FSTL5: variants seen among roughly 807,000 people sequenced by gnomAD.
FSTL5 encodes follistatin-related protein 5.
FSTL5 carries 62 observed loss-of-function variants against 89.1 expected under a neutral mutation model. That is an observed-to-expected ratio of 0.70 (90% CI 0.57 to 0.86). FSTL5 has a LOEUF of 0.86. Among genes scored for constraint, FSTL5 ranks in the 40% least tolerant of loss-of-function variants. FSTL5 has a pLI of 0.00. For synonymous variants in FSTL5, 383 were observed against 346.2 expected (o/e 1.11, Z -1.18); for missense variants, 1,057 against 1,001.6 (o/e 1.06, Z -0.75).
intron 4 of FSTL5, among the ~76,000 whole-genome samples, chr4:161,909,361 GTTAA>G (rs1401248355): frequency 6.6e-6 from 1 of 152,016 alleles, no homozygotes; most frequent in African/African-American, 2.4e-5. Flanking sequence ...AAAACTCCTG[GTTAA>G]AACTAATTCT....
chr4:162,031,122 A>G (rs1356311239), intron 3 of FSTL5, among the ~76,000 whole-genome samples: 2 of 152,124 alleles, frequency 1.3e-5, no homozygotes, highest in African/African-American at 4.8e-5. Flanking sequence ...CTTCAGTGCA[A>G]TTTTATGGAA....
At chr4:162,032,745 G>A (rs1393617563) in intron 3 of FSTL5, 1 of 152,128 alleles carries the variant, frequency 6.6e-6, no homozygotes, top group Non-Finnish European at 1.5e-5. Context: ...CAGCATTTCA[G>A]AAGACCATGT....
At chr4:161,844,368 C>T (rs1278215650) in intron 4 of FSTL5, among the ~76,000 whole-genome samples, 5 of 152,002 alleles carry the variant, frequency 3.3e-5, no homozygotes, top group East Asian at 1.9e-4. Context: ...TGTGGAAGAC[C>T]GTGTGGCAAT....
At chr4:162,138,690 C>A (rs150978124) in intron 1 of FSTL5, among the ~76,000 whole-genome samples, 1 of 151,728 alleles carries the variant, frequency 6.6e-6, no homozygotes, top group East Asian at 1.9e-4. Context: ...TTAGACAAAC[C>A]CTGTTTATTT....
chr4:161,810,961 G>A (rs945843400), intron 4 of FSTL5, among the ~76,000 whole-genome samples: 8 of 152,072 alleles, frequency 5.3e-5, no homozygotes, highest in African/African-American at 1.4e-4. Flanking sequence ...GTAACTATGC[G>A]TCAGCCTCGC....
chr4:161,624,588 A>C (rs1735249670), intron 7 of FSTL5, among the ~76,000 whole-genome samples: 1 of 151,880 alleles, frequency 6.6e-6, no homozygotes. Flanking sequence ...ACTTTAATAC[A>C]TGATTGTAAA....
intron 10 of FSTL5, among the ~76,000 whole-genome samples, chr4:161,516,275 T>C (rs1730827387): frequency 6.7e-6 from 1 of 149,188 alleles, no homozygotes; most frequent in South Asian, 2.1e-4. Context: ...GCTGCTTCTA[T>C]ATTGGAATGG....
At chr4:161,582,300 A>C (rs895609318) in intron 8 of FSTL5, among the ~76,000 whole-genome samples, 1 of 152,202 alleles carries the variant, frequency 6.6e-6, no homozygotes, top group Non-Finnish European at 1.5e-5. Flanking sequence ...AGTTCTTTTT[A>C]ACTTTTTCTA....
At chr4:161,664,192 C>A (rs981257781) in intron 6 of FSTL5, among the ~76,000 whole-genome samples, 1 of 152,174 alleles carries the variant, frequency 6.6e-6, no homozygotes, top group African/African-American at 2.4e-5. Context: ...AAACATTATG[C>A]TCCCTGCTAC....
At position 161,952,260 on chromosome 4, in the gene FSTL5, C is replaced by T. The variant is rs972062814; in HGVS notation, c.161-31608G>A. 2.6e-5 allele frequency among the ~76,000 whole-genome samples: 4 copies of T among 151,870 alleles called. No homozygotes were observed. In the South Asian group the frequency reaches 6.2e-4, roughly 24 times the overall value. ...ACTTTTGACACTTGTCAGCCACAAT[C>T]GATAGCTCTATTTTTTACCTTATTG... On this transcript the variant is annotated intron_variant, in intron 3 of 15. Transcript: ENST00000306100.
chr4:161,908,730 T>C (rs1379228359), intron 4 of FSTL5, among the ~76,000 whole-genome samples: 3 of 152,152 alleles, frequency 2.0e-5, no homozygotes, highest in Non-Finnish European at 4.4e-5. Context: ...CAAAACTTTA[T>C]ACACTTTGTT....
At chr4:161,802,681 T>C (rs759339639) in intron 4 of FSTL5, among the ~76,000 whole-genome samples, 13 of 151,752 alleles carry the variant, frequency 8.6e-5, no homozygotes, top group Non-Finnish European at 1.5e-4. Flanking sequence ...TTATCTATCA[T>C]TGCCGCTAAA....
chr4:161,933,050 A>C (rs1734334997), intron 3 of FSTL5, among the ~76,000 whole-genome samples: 1 of 152,152 alleles, frequency 6.6e-6, no homozygotes, highest in South Asian at 2.1e-4. Flanking sequence ...ACTTGCTTTT[A>C]TATCCTGTGT....
At chr4:161,997,347 A>G (rs1578931642) in intron 3 of FSTL5, among the ~76,000 whole-genome samples, 3 of 152,206 alleles carry the variant, frequency 2.0e-5, no homozygotes, top group South Asian at 2.1e-4. Flanking sequence ...AATGACTTAC[A>G]TCAAGAATTG....
intron 4 of FSTL5, among the ~76,000 whole-genome samples, chr4:161,854,187 G>C (rs1423388943): frequency 6.6e-6 from 1 of 152,104 alleles, no homozygotes; most frequent in African/African-American, 2.4e-5. Context: ...AAGGACTTCT[G>C]GTGATGAGCT....
At chr4:161,879,464 C>T (rs992278348) in intron 4 of FSTL5, among the ~76,000 whole-genome samples, 25 of 152,174 alleles carry the variant, frequency 1.6e-4, no homozygotes, top group African/African-American at 5.8e-4. Flanking sequence ...CAAAGCATTC[C>T]AGTGACTTCC....
At chr4:161,407,588 G>T (rs543646089) in intron 15 of FSTL5, among the ~76,000 whole-genome samples, 1 of 133,528 alleles carries the variant, frequency 7.5e-6, no homozygotes, top group African/African-American at 2.8e-5. Flanking sequence ...ACAGACCTAT[G>T]AGCTGGCAAG....
chr4:161,994,158 G>A (rs2111086646), intron 3 of FSTL5, among the ~76,000 whole-genome samples: 1 of 152,228 alleles, frequency 6.6e-6, no homozygotes, highest in Non-Finnish European at 1.5e-5. Flanking sequence ...TTGGTTTTCT[G>A]TTCCTATGTT....
At chr4:161,413,396 T>C (rs1483636354) in intron 15 of FSTL5, among the ~76,000 whole-genome samples, 1 of 151,738 alleles carries the variant, frequency 6.6e-6, no homozygotes, top group Non-Finnish European at 1.5e-5. Context: ...CCAGTCAGAA[T>C]GGCCATTATT....
Sources: allele counts gnomAD v4.1 joint callset (sites outside exome capture counted in the v4.1 genomes callset), GRCh38; gene constraint gnomAD v4.1.1; transcripts MANE v1.5; gene names NCBI Gene and HGNC (gene_info 2026-07-23, HGNC 2026-07-21).